The following RERG variants were observed in gnomAD, a reference collection of about 807,000 sequenced individuals.
The protein encoded by RERG is ras-related and estrogen-regulated growth inhibitor.
Under a neutral mutation model 23.2 loss-of-function variants are expected in RERG, and 25 were observed. That is an observed-to-expected ratio of 1.08 (90% CI 0.79 to 1.50). RERG has a LOEUF of 1.50. RERG is among the 40% of genes most tolerant of loss of function. The pLI is 0.00. For missense variants in RERG, 253 were observed against 250.1 expected (o/e 1.01, Z -0.08); for synonymous variants, 81 against 89.1 (o/e 0.91, Z 0.51).
Position 15,217,469 on chromosome 12 carries a change from G to C in RERG, c.21C>G (p.Val7=), listed in dbSNP as rs765370321. The part of the protein sequence containing the change: MAKSAE[V]KLAIFGRAGV... The stretch of plus-strand genomic sequence containing the variant: ...CTGCTCTCCCAAATATTGCCAGTTT[G>C]ACCTCCGCACTTTTAGCCATGATGG... Residue 7 remains valine (V), a synonymous_variant, in exon 2 of 5, where the codon GTC becomes GTG. Coordinates refer to ENST00000256953, the MANE Select transcript of RERG (RefSeq NM_032918.3). 13 of 1,613,466 alleles carry C rather than the reference G, an allele frequency of 8.1e-6. No individual in the cohort carries two copies. The highest frequency in any genetic ancestry group is 1.7e-5 in the Admixed American group (1 of 60,000).
chr12:15,132,171 C>A (rs2136096178), intron 2 of RERG, among the ~76,000 whole-genome samples: 1 of 152,166 alleles, frequency 6.6e-6, no homozygotes, highest in Admixed American at 6.5e-5. Context: ...GAAGGTAAGA[C>A]TGGAAACAAA....
At chr12:15,137,529 T>C (rs1030261719) in intron 2 of RERG, among the ~76,000 whole-genome samples, 2 of 151,904 alleles carry the variant, frequency 1.3e-5, no homozygotes, top group Non-Finnish European at 2.9e-5. Flanking sequence ...CCTTTTTTAT[T>C]ATATCGATTT....
chr12:15,173,031 G>A (rs73306745), intron 2 of RERG, among the ~76,000 whole-genome samples: 10,078 of 151,754 alleles, frequency 0.066, 1,123 homozygotes, highest in African/African-American at 0.23. Flanking sequence ...TGCTTTTTGT[G>A]TTATATCTAT....
intron 2 of RERG, among the ~76,000 whole-genome samples, chr12:15,215,592 G>C (rs763555790): frequency 1.3e-5 from 2 of 152,280 alleles, no homozygotes; most frequent in Admixed American, 6.5e-5. Flanking sequence ...TAGCATGGTT[G>C]TAACAGAAGA....
chr12:15,165,624 C>A (rs1229799711), intron 2 of RERG, among the ~76,000 whole-genome samples: 1 of 152,148 alleles, frequency 6.6e-6, no homozygotes, highest in Non-Finnish European at 1.5e-5. Context: ...CCTTAACTAA[C>A]AACTCTCCCC....
chr12:15,218,551 C>G (rs568809894), intron 1 of RERG, among the ~76,000 whole-genome samples: 1 of 152,268 alleles, frequency 6.6e-6, no homozygotes, highest in Non-Finnish European at 1.5e-5. Context: ...CTCATTACTT[C>G]TGAAAGCTGC....
At chr12:15,145,734 A>G (rs1294836635) in intron 2 of RERG, among the ~76,000 whole-genome samples, 3 of 152,242 alleles carry the variant, frequency 2.0e-5, no homozygotes, top group Non-Finnish European at 4.4e-5. Flanking sequence ...CACACCAGGG[A>G]GTAAAGAAGC....
intron 2 of RERG, among the ~76,000 whole-genome samples, chr12:15,122,005 T>G (rs373044710): frequency 4.0e-4 from 60 of 151,032 alleles, no homozygotes; most frequent in Non-Finnish European, 7.8e-4. Flanking sequence ...ACTTGTAGTA[T>G]AGTTGAAAAC....
intron 2 of RERG, among the ~76,000 whole-genome samples, chr12:15,169,004 GT>G (rs1045156329): frequency 6.6e-6 from 1 of 151,964 alleles, no homozygotes; most frequent in African/African-American, 2.4e-5. Flanking sequence ...TTGTTGTTTT[GT>G]TTTGTTTTTC....
intron 1 of RERG, among the ~76,000 whole-genome samples, chr12:15,220,768 C>T (rs974961701): frequency 1.3e-5 from 2 of 152,154 alleles, no homozygotes; most frequent in African/African-American, 2.4e-5. Flanking sequence ...GCCTCCCCTT[C>T]TCTGGTTCTG....
intron 2 of RERG, among the ~76,000 whole-genome samples, chr12:15,175,817 T>C (rs1185953525): frequency 6.6e-6 from 1 of 152,070 alleles, no homozygotes; most frequent in Non-Finnish European, 1.5e-5. Context: ...AGATAGAACA[T>C]TCTGTGGAGT....
At chr12:15,154,914 A>AT in intron 2 of RERG, among the ~76,000 whole-genome samples, 1 of 152,322 alleles carries the variant, frequency 6.6e-6, no homozygotes, top group Non-Finnish European at 1.5e-5. Flanking sequence ...AAATTGTAGT[A>AT]TTATATATTT....
chr12:15,188,346 C>T (rs553540566), intron 2 of RERG, among the ~76,000 whole-genome samples: 8 of 152,268 alleles, frequency 5.3e-5, no homozygotes, highest in African/African-American at 1.9e-4. Flanking sequence ...TGGGTAACCA[C>T]TGTTACTTGG....
chr12:15,162,769 C>A (rs933828859), intron 2 of RERG, among the ~76,000 whole-genome samples: 1 of 152,156 alleles, frequency 6.6e-6, no homozygotes, highest in Admixed American at 6.5e-5. Flanking sequence ...TGACCTAGTC[C>A]AATTCCCTTA....
chr12:15,146,856 A>G (rs1476229840), intron 2 of RERG, among the ~76,000 whole-genome samples: 2 of 152,176 alleles, frequency 1.3e-5, no homozygotes, highest in Non-Finnish European at 2.9e-5. Context: ...TTTGCATTGG[A>G]TTGGAGAGCA....
chr12:15,177,602 G>A (rs1864868299), intron 2 of RERG, among the ~76,000 whole-genome samples: 1 of 152,144 alleles, frequency 6.6e-6, no homozygotes, highest in Non-Finnish European at 1.5e-5. Flanking sequence ...CCACATTTGA[G>A]CATGAAAAGC....
chr12:15,165,337 AAG>A (rs1245436496), intron 2 of RERG, among the ~76,000 whole-genome samples: 1 of 151,692 alleles, frequency 6.6e-6, no homozygotes, highest in Admixed American at 6.5e-5. Context: ...AACTTCTGCC[AAG>A]ACTTTTTTTT....
At chr12:15,149,542 T>C (rs1864402521) in intron 2 of RERG, among the ~76,000 whole-genome samples, 1 of 152,126 alleles carries the variant, frequency 6.6e-6, no homozygotes. Context: ...ACAATACTAG[T>C]TCATGGCAGA....
chr12:15,122,764 C>T (rs1863855434), intron 2 of RERG, among the ~76,000 whole-genome samples: 1 of 151,580 alleles, frequency 6.6e-6, no homozygotes, highest in South Asian at 2.1e-4. Flanking sequence ...TAAAGAGTTC[C>T]ATCTTTTGTT....
Sources: gnomAD v4.1 joint callset for allele counts (sites outside exome capture counted in the v4.1 genomes callset) on GRCh38, gnomAD v4.1.1 for gene constraint, MANE v1.5 for transcripts, NCBI Gene and HGNC (gene_info 2026-07-23, HGNC 2026-07-21) for gene names.